Variants in BLVRB observed in about 807,000 individuals in gnomAD.
BLVRB encodes biliverdin reductase B, also known as flavin reductase (NADPH).
In BLVRB, 25 loss-of-function variants were observed where a neutral mutation model predicts 21.1. The observed-to-expected ratio is 1.19, with a 90% CI of 0.86 to 1.66. The LOEUF is 1.66. Ranked by LOEUF, BLVRB falls within the 40% of genes most tolerant of loss-of-function variation. The pLI is 0.00. For missense variants in BLVRB, 274 were observed against 282.7 expected (o/e 0.97, Z 0.22); for synonymous variants, 128 against 122.2 (o/e 1.05, Z -0.31).
intron 1 of BLVRB, among the ~76,000 whole-genome samples, chr19:40,461,049 A>G (rs2079785378): frequency 6.6e-6 from 1 of 152,136 alleles, no homozygotes; most frequent in African/African-American, 2.4e-5. Flanking sequence ...AAAAAGACAC[A>G]ATAAAAAAAT....
chr19:40,449,538 G>A (rs569399084), intron 4 of BLVRB, among the ~76,000 whole-genome samples: 3 of 152,074 alleles, frequency 2.0e-5, no homozygotes, highest in East Asian at 1.9e-4. Flanking sequence ...GAGCCACCAC[G>A]CTGGCCTGAC....
chr19:40,462,686 T>C (rs574870224), intron 1 of BLVRB, among the ~76,000 whole-genome samples: 2 of 148,870 alleles, frequency 1.3e-5, no homozygotes, highest in African/African-American at 4.9e-5. Flanking sequence ...GGTCAGGAGA[T>C]GGAGACCATC....
intron 1 of BLVRB, among the ~76,000 whole-genome samples, chr19:40,461,103 G>A (rs1043862131): frequency 6.6e-6 from 1 of 152,118 alleles, no homozygotes; most frequent in African/African-American, 2.4e-5. Context: ...GGCTGGTCTC[G>A]AACTCCTGGA....
In BLVRB at chr19:40,457,785, T is replaced by C. The variant is rs573852593; in HGVS notation, c.334+370A>G. 47 of 257,004 alleles carry C rather than the reference T, an allele frequency of 1.8e-4. 2 individuals carry two copies. Among genetic ancestry groups the C allele is most frequent in the African/African-American group, 1.0e-3 (46 of 45,434 alleles). 15.9% of individuals were successfully genotyped at this position (257,004 alleles called of 1,614,324 possible). ...CTATCCACAGCTCTATCACTTCCTC[T>C]GGGAGGCCTACCCTGACCTCTCTCA... On this transcript the variant is annotated intron_variant, in intron 3 of 4. Coordinates refer to ENST00000263368, the MANE Select transcript of BLVRB (RefSeq NM_000713.3).
In BLVRB at chr19:40,458,212, TC is replaced by T; in HGVS notation, c.276del (p.Asn93ThrfsTer6). The T allele has an allele frequency of 6.2e-7, 1 of 1,613,258 alleles. No individual in the cohort carries two copies. The highest frequency in any genetic ancestry group is 8.5e-7 in the Non-Finnish European group (1 of 1,179,658). ...SPTTVMSEGARNIVAAMKAHG... is the reference protein window; with the variant it reads ...SPTTVMSEGAXNIVAAMKAHG... Reference sequence around the variant, plus strand: ...TGAGCCTTCATGGCTGCCACAATGTTCCGGGCGCCCTCGGACATCACTGTCG... The same window carrying T: ...TGAGCCTTCATGGCTGCCACAATGTTCGGGCGCCCTCGGACATCACTGTCG... On this transcript the variant is annotated frameshift_variant, in exon 3 of 5. Transcript: ENST00000263368. LOFTEE classifies it high-confidence loss of function.
intron 3 of BLVRB, among the ~76,000 whole-genome samples, chr19:40,453,138 C>T (rs926430237): frequency 2.0e-5 from 3 of 152,136 alleles, no homozygotes; most frequent in Non-Finnish European, 4.4e-5. Flanking sequence ...TTTGAACTCC[C>T]GGGCTTAAGC....
chr19:40,451,575 C>T (rs1006601920), intron 3 of BLVRB, 83 bp from the exon 4 acceptor site: 2 of 1,429,442 alleles, frequency 1.4e-6, no homozygotes. Context: ...GCTTTGTCAC[C>T]CAGGCTGAGT....
rs1161454736 is a variant in BLVRB, at chr19:40,447,851, T to C, written c.*38A>G. On this transcript the variant is annotated 3_prime_UTR_variant, in exon 5 of 5. Transcript: ENST00000263368. ...TATTGCCCCCTTCCTTTGCTCCTCA[T>C]GTCCCAGAATGCCACCCTCCCAGAT... is the stretch of plus-strand genomic sequence containing the variant. The C allele has an allele frequency of 6.3e-7, 1 of 1,594,168 alleles. No homozygotes were observed. The highest frequency in any genetic ancestry group is 1.1e-5 in the South Asian group (1 of 90,284).
chr19:40,456,814 G>A (rs766747142), intron 3 of BLVRB, among the ~76,000 whole-genome samples: 3 of 152,236 alleles, frequency 2.0e-5, no homozygotes, highest in Non-Finnish European at 2.9e-5. Context: ...TGTGGGCCAC[G>A]ATCTTGGTCC....
intron 2 of BLVRB, 49 bp from the exon 3 acceptor site, chr19:40,458,293 A>G (rs1157850662): frequency 1.1e-5 from 7 of 623,132 alleles, no homozygotes; most frequent in Non-Finnish European, 1.6e-5. Context: ...CGGCGGCGGC[A>G]GGGGTGGCAG....
In BLVRB at chr19:40,448,061, CAA is replaced by C. The variant is rs756826463; in HGVS notation, c.464-17_464-16del. ...TGGCTGGTCTCCTATGAAGTAAAGA[CAA>C]GAGGGGCTGGATAAAGCAGACACCT... On this transcript the variant is annotated splice_polypyrimidine_tract_variant and intron_variant, in intron 4 of 4. Coordinates refer to ENST00000263368, the MANE Select transcript of BLVRB (RefSeq NM_000713.3). 2.4e-5 allele frequency: 39 copies of C among 1,606,176 alleles called. No homozygotes were observed. Among genetic ancestry groups the C allele is most frequent in the South Asian group, 4.4e-5 (4 of 90,838 alleles).
intron 4 of BLVRB, among the ~76,000 whole-genome samples, chr19:40,451,017 A>G (rs1007508550): frequency 6.6e-6 from 1 of 151,924 alleles, no homozygotes; most frequent in Non-Finnish European, 1.5e-5. Context: ...ACCATTAGCC[A>G]GTGGTAATCC....
intron 3 of BLVRB, 85 bp downstream of exon 3, chr19:40,458,070 G>T: frequency 7.7e-7 from 1 of 1,292,864 alleles, no homozygotes; most frequent in Non-Finnish European, 1.1e-6. Flanking sequence ...ACATGGAATG[G>T]CTTCAGCGTC....
chr19:40,457,729 C>T lies in BLVRB; in HGVS notation c.334+426G>A, dbSNP rs911189411. Reference sequence around the variant, plus strand: ...TGCTTAATGTCTGTGTCCCCATAATCGGGAGCTCTGTGAGGGCAGAGACCT... The same window carrying T: ...TGCTTAATGTCTGTGTCCCCATAATTGGGAGCTCTGTGAGGGCAGAGACCT... On this transcript the variant is annotated intron_variant, in intron 3 of 4. Coordinates refer to ENST00000263368, the MANE Select transcript of BLVRB (RefSeq NM_000713.3). The T allele has an allele frequency of 1.2e-4, 22 of 181,608 alleles. No homozygotes were observed. In the Middle Eastern group the frequency reaches 7.1e-3, roughly 58 times the overall value. 11.2% of individuals were successfully genotyped at this position (181,608 alleles called of 1,614,324 possible). A position where few individuals can be genotyped will look rare whatever the true frequency, so the allele number is the denominator to read the frequency against.
intron 4 of BLVRB, 106 bp from the exon 5 acceptor site, chr19:40,448,152 C>A: frequency 2.4e-6 from 3 of 1,268,316 alleles, no homozygotes; most frequent in Non-Finnish European, 1.1e-6. Context: ...TGTGTCCAGC[C>A]TGGGTGGTGT....
At chr19:40,458,666 G>A (rs1442905973) in intron 1 of BLVRB, 121 bp from the exon 2 acceptor site, 2 of 1,277,346 alleles carry the variant, frequency 1.6e-6, no homozygotes, top group African/African-American at 3.0e-5. Context: ...CTGGGGAAGT[G>A]GTCTTCAAAC....
intron 4 of BLVRB, among the ~76,000 whole-genome samples, chr19:40,448,624 TATATATA>T (rs1568735672): frequency 1.4e-5 from 2 of 140,496 alleles, no homozygotes; most frequent in Admixed American, 7.1e-5. Flanking sequence ...TATATATATA[TATATATA>T]TATATATATA....
chr19:40,450,845 T>C (rs1301656535), intron 4 of BLVRB, among the ~76,000 whole-genome samples: 1 of 112,352 alleles, frequency 8.9e-6, no homozygotes, highest in East Asian at 3.1e-4. Context: ...GGCCTATGTA[T>C]CTATCTATCT....
rs900173763 is a variant in BLVRB, at chr19:40,447,928, G to A, written c.582C>T (p.Tyr194=). The stretch of plus-strand genomic sequence containing the variant: ...GGGAGGGGTAGGTGCTGTGTCCGTC[G>A]TACTCATCGGTGGTGAGGCAGCGCA... ...FMLRCLTTDE[Y]DGHSTYPSHQ... is the part of the protein sequence containing the mutation. The change falls in exon 5 of 5, where the codon TAC becomes TAT. Residue 194 remains tyrosine (Y), a synonymous_variant. Coordinates refer to ENST00000263368, the MANE Select transcript of BLVRB (RefSeq NM_000713.3). 8.1e-6 allele frequency: 13 copies of A among 1,614,082 alleles called. 1 individual carries two copies. Among genetic ancestry groups the A allele is most frequent in the Middle Eastern group, 1.7e-4 (1 of 6,060 alleles).
Sources: allele counts gnomAD v4.1 joint callset (sites outside exome capture counted in the v4.1 genomes callset), GRCh38; gene constraint gnomAD v4.1.1; transcripts MANE v1.5; gene names NCBI Gene and HGNC (gene_info 2026-07-23, HGNC 2026-07-21).